WDR7: variants seen among roughly 807,000 people sequenced by gnomAD.
WDR7 encodes the protein WD repeat-containing protein 7.
Under a neutral mutation model 169.4 loss-of-function variants are expected in WDR7, and 46 were observed. That is an observed-to-expected ratio of 0.27 (90% CI 0.21 to 0.35). WDR7 has a LOEUF of 0.35. WDR7 is among the 10% of genes least tolerant of loss of function. WDR7 has a pLI of 1.00. For synonymous variants in WDR7, 612 were observed against 666.8 expected (o/e 0.92, Z 1.27); for missense variants, 1,534 against 1,859.3 (o/e 0.83, Z 3.22).
chr18:56,870,147 T>C (rs1412547560), intron 20 of WDR7, among the ~76,000 whole-genome samples: 1 of 152,224 alleles, frequency 6.6e-6, no homozygotes, highest in Non-Finnish European at 1.5e-5. Context: ...CATTTTAAGT[T>C]CTTTTAAAGC....
chr18:56,939,384 C>T lies in WDR7; in HGVS notation c.4055C>T (p.Ala1352Val), dbSNP rs781355534. 1.9e-6 allele frequency: 3 copies of T among 1,570,172 alleles called. No homozygotes were observed. Among genetic ancestry groups the T allele is most frequent in the Non-Finnish European group, 8.6e-7 (1 of 1,156,262 alleles). Residue 1352 changes from alanine to valine, a missense_variant, in exon 25 of 28, where the codon GCC becomes GTC. By Grantham distance (64) the Ala-to-Val change is moderately conservative (BLOSUM62 0). Coordinates refer to ENST00000254442, the MANE Select transcript of WDR7 (RefSeq NM_015285.3). ...AAAGGTCTTCAAGAATGTTTCCCAG[C>T]CATCTGCAGGTAAAGAAGCCTTCAA... is the stretch of plus-strand genomic sequence containing the variant. ...KKKGLQECFP[A>V]ICRFYMVSYY... is the part of the protein sequence containing the mutation.
At chr18:57,036,548 C>T in the WDR7 span, 1 of 152,404 alleles carries the variant, frequency 6.6e-6, no homozygotes, top group Non-Finnish European at 1.5e-5. Context: ...CTATGTATTG[C>T]TTCCTTCACA....
At chr18:56,797,579 G>A (rs919085958) in intron 19 of WDR7, among the ~76,000 whole-genome samples, 1 of 151,894 alleles carries the variant, frequency 6.6e-6, no homozygotes, top group African/African-American at 2.4e-5. Flanking sequence ...AGGGGAAGAA[G>A]CAGTTAATTT....
intron 21 of WDR7, among the ~76,000 whole-genome samples, chr18:56,912,503 C>G (rs898160801): frequency 2.0e-5 from 3 of 152,122 alleles, no homozygotes; most frequent in African/African-American, 7.2e-5. Flanking sequence ...CTAAATTTAC[C>G]TTCTCTGCTT....
chr18:56,738,850 A>T (rs2043568232), intron 14 of WDR7, among the ~76,000 whole-genome samples: 1 of 125,122 alleles, frequency 8.0e-6, no homozygotes, highest in Admixed American at 9.3e-5. Flanking sequence ...AACTTTTTGA[A>T]TAGGAAACAT....
chr18:56,905,872 C>T (rs1468710850), intron 21 of WDR7, among the ~76,000 whole-genome samples: 1 of 152,010 alleles, frequency 6.6e-6, no homozygotes, highest in African/African-American at 2.4e-5. Flanking sequence ...ATCACATAAA[C>T]CTCAGTGTCA....
intron 1 of WDR7, among the ~76,000 whole-genome samples, chr18:56,672,083 A>G (rs1461721691): frequency 4.6e-5 from 7 of 152,204 alleles, no homozygotes; most frequent in Non-Finnish European, 5.9e-5. Flanking sequence ...TTTATGCCTC[A>G]GTTTCTAGTC....
intron 22 of WDR7, among the ~76,000 whole-genome samples, chr18:56,929,855 T>C (rs2046856736): frequency 6.6e-6 from 1 of 152,172 alleles, no homozygotes; most frequent in Admixed American, 6.5e-5. Context: ...TTTTGTTAGA[T>C]CAGCATGGTC....
At chr18:56,765,859 G>A (rs1205262278) in intron 16 of WDR7, among the ~76,000 whole-genome samples, 1 of 152,056 alleles carries the variant, frequency 6.6e-6, no homozygotes, top group Non-Finnish European at 1.5e-5. Context: ...TGCTGAACGT[G>A]CAGGTTTGCT....
At chr18:56,780,846 T>C (rs1451935220) in intron 18 of WDR7, among the ~76,000 whole-genome samples, 1 of 152,258 alleles carries the variant, frequency 6.6e-6, no homozygotes, top group Non-Finnish European at 1.5e-5. Flanking sequence ...TGACTAGCTT[T>C]TTTGACTTCA....
At chr18:56,803,884 C>T (rs57425270) in intron 19 of WDR7, among the ~76,000 whole-genome samples, 20,118 of 152,194 alleles carry the variant, frequency 0.13, 2,063 homozygotes, top group African/African-American at 0.29. Context: ...TCACTGCAGC[C>T]TTTACCGCCC....
rs574861125 is a variant in WDR7, at chr18:56,830,293, G to A, written c.3304+14149G>A. ...ACTCTTATGGGTTTTCACCATACACGGCACACAATAGAAGGGGTCATTCTT... is the reference window on the plus strand; with the variant it reads ...ACTCTTATGGGTTTTCACCATACACAGCACACAATAGAAGGGGTCATTCTT... On this transcript the variant is annotated intron_variant, in intron 20 of 27. Transcript: ENST00000254442. Among the ~76,000 whole-genome samples, 4 of 152,188 alleles carry A rather than the reference G, an allele frequency of 2.6e-5. No individual in the cohort carries two copies. The South Asian group carries it at 6.2e-4, about 24-fold the overall frequency.
At chr18:57,022,438 G>A (rs958300549) in intron 27 of WDR7, among the ~76,000 whole-genome samples, 57 of 152,116 alleles carry the variant, frequency 3.7e-4, no homozygotes, top group Admixed American at 9.2e-4. Flanking sequence ...TCATGGGTCC[G>A]TGCTTGCCAG....
intron 2 of WDR7, among the ~76,000 whole-genome samples, chr18:56,673,664 T>C (rs618447): frequency 0.92 from 139,428 of 151,874 alleles, 65,162 homozygotes; most frequent in East Asian, 1. Context: ...TGAAACCCCA[T>C]CTCTACTGAA....
chr18:56,736,912 A>G (rs2144832149), intron 14 of WDR7, among the ~76,000 whole-genome samples: 1 of 152,268 alleles, frequency 6.6e-6, no homozygotes. Flanking sequence ...GCAGGAGGAC[A>G]TGGTGTTAAG....
chr18:56,995,658 T>C (rs1599230274), intron 26 of WDR7, among the ~76,000 whole-genome samples: 1 of 152,218 alleles, frequency 6.6e-6, no homozygotes, highest in African/African-American at 2.4e-5. Flanking sequence ...ATTTAGTCCT[T>C]TATACCACAA....
rs550395622 is a variant in WDR7 at position 56,817,309 on chromosome 18, G to A, written c.3304+1165G>A. Reference sequence around the variant, plus strand: ...CAGTGAGCCGAGATTGCACCTCTGCGCTCCAGCCTAGGCAACAGAGTGAGA... The same window carrying A: ...CAGTGAGCCGAGATTGCACCTCTGCACTCCAGCCTAGGCAACAGAGTGAGA... On this transcript the variant is annotated intron_variant, in intron 20 of 27. Transcript: ENST00000254442. Among the ~76,000 whole-genome samples the A allele has an allele frequency of 4.1e-5, 6 of 147,274 alleles. No individual in the cohort carries two copies. The East Asian group carries it at 5.9e-4, about 15-fold the overall frequency.
chr18:56,714,742 C>T (rs1166207286), intron 12 of WDR7, among the ~76,000 whole-genome samples: 3 of 151,826 alleles, frequency 2.0e-5, no homozygotes, highest in Admixed American at 2.0e-4. Context: ...GTAGATTGAG[C>T]TTGTTATTTG....
At chr18:56,669,082 G>C (rs558896177) in intron 1 of WDR7, among the ~76,000 whole-genome samples, 1 of 152,034 alleles carries the variant, frequency 6.6e-6, no homozygotes, top group African/African-American at 2.4e-5. Flanking sequence ...AGATCACATA[G>C]AAGGGCCAGG....
Sources: gnomAD v4.1 joint callset for allele counts (sites outside exome capture counted in the v4.1 genomes callset) on GRCh38, gnomAD v4.1.1 for gene constraint, MANE v1.5 for transcripts, NCBI Gene and HGNC (gene_info 2026-07-23, HGNC 2026-07-21) for gene names.